Variants in MARCHF11 observed in about 807,000 individuals in gnomAD.
MARCHF11 encodes the protein membrane associated ring-CH-type finger 11.
MARCHF11 carries 29 observed loss-of-function variants against 37.3 expected under a neutral mutation model. The observed-to-expected ratio is 0.78, with a 90% CI of 0.58 to 1.06. MARCHF11 has a LOEUF of 1.06. MARCHF11 is among the 50% of genes least tolerant of loss of function. MARCHF11 has a pLI of 0.00. For missense variants in MARCHF11, 482 were observed against 533.4 expected (o/e 0.90, Z 0.95); for synonymous variants, 233 against 228.0 (o/e 1.02, Z -0.20).
Position 16,158,183 on chromosome 5 carries a change from G to A in MARCHF11, c.693+19543C>T, listed in dbSNP as rs10474719. ...TCAAAGAGACGAAAGATAAGTGTTG[G>A]CAAGGATGTGGAAAAAAGGGAGCAC... On this transcript the variant is annotated intron_variant, in intron 2 of 3. Coordinates refer to ENST00000332432, the MANE Select transcript of MARCHF11 (RefSeq NM_001102562.3). Among the ~76,000 whole-genome samples, 394 of 152,002 alleles carry A rather than the reference G, an allele frequency of 2.6e-3. 4 individuals are homozygous for A. Among genetic ancestry groups the A allele is most frequent in the African/African-American group, 9.0e-3 (375 of 41,502 alleles).
At chr5:16,151,684 T>TGTGTGTGC (rs1737893942) in intron 2 of MARCHF11, among the ~76,000 whole-genome samples, 1 of 150,692 alleles carries the variant, frequency 6.6e-6, no homozygotes, top group Non-Finnish European at 1.5e-5. Flanking sequence ...TGTGTGTGTG[T>TGTGTGTGC]GTGTGTGTCT....
At chr5:16,098,982 G>T (rs561161667) in intron 2 of MARCHF11, among the ~76,000 whole-genome samples, 9 of 152,014 alleles carry the variant, frequency 5.9e-5, no homozygotes, top group Middle Eastern at 3.4e-3. Context: ...TTAAAAGTTG[G>T]CATGTTCTTG....
chr5:16,170,680 C>T (rs1381402304), intron 2 of MARCHF11, among the ~76,000 whole-genome samples: 1 of 152,128 alleles, frequency 6.6e-6, no homozygotes, highest in Non-Finnish European at 1.5e-5. Flanking sequence ...TCACCGAATG[C>T]CCACAAAGTG....
chr5:16,108,609 T>G (rs1366184193), intron 2 of MARCHF11, among the ~76,000 whole-genome samples: 1 of 152,014 alleles, frequency 6.6e-6, no homozygotes, highest in Non-Finnish European at 1.5e-5. Context: ...GGACCAGATA[T>G]GTTTGCTTCC....
At chr5:16,172,549 G>A (rs1430357527) in intron 2 of MARCHF11, among the ~76,000 whole-genome samples, 1 of 152,170 alleles carries the variant, frequency 6.6e-6, no homozygotes, top group Non-Finnish European at 1.5e-5. Context: ...CTGGACATAT[G>A]CAGACATTTT....
intron 2 of MARCHF11, among the ~76,000 whole-genome samples, chr5:16,113,738 A>G (rs968239194): frequency 1.3e-5 from 2 of 152,184 alleles, no homozygotes; most frequent in African/African-American, 4.8e-5. Context: ...AGAAATCATG[A>G]TATTTAGGAT....
At chr5:16,166,462 T>TTATAG (rs1553998959) in intron 2 of MARCHF11, among the ~76,000 whole-genome samples, 4 of 151,562 alleles carry the variant, frequency 2.6e-5, no homozygotes, top group Non-Finnish European at 4.4e-5. Context: ...TGATACTTGA[T>TTATAG]TAGAGTACAT....
chr5:16,118,939 G>A (rs1737264994), intron 2 of MARCHF11, among the ~76,000 whole-genome samples: 1 of 152,118 alleles, frequency 6.6e-6, no homozygotes, highest in Non-Finnish European at 1.5e-5. Context: ...ACAGTGGCTG[G>A]GTCAAGGGAA....
intron 2 of MARCHF11, among the ~76,000 whole-genome samples, chr5:16,144,619 T>G (rs772913229): frequency 1.3e-5 from 2 of 152,198 alleles, no homozygotes; most frequent in African/African-American, 2.4e-5. Flanking sequence ...AGGAATGAAA[T>G]CTGTGTATAA....
At chr5:16,138,327 C>G (rs191926424) in intron 2 of MARCHF11, among the ~76,000 whole-genome samples, 1 of 152,318 alleles carries the variant, frequency 6.6e-6, no homozygotes, top group African/African-American at 2.4e-5. Context: ...TCAAATGGTG[C>G]AAGCCCCAAG....
intron 2 of MARCHF11, among the ~76,000 whole-genome samples, chr5:16,103,350 GGT>G (rs1485517223): frequency 2.6e-5 from 4 of 152,076 alleles, no homozygotes. Context: ...TGCACAGGAC[GGT>G]GTGTTTGGGA....
rs1241872710 is a variant in MARCHF11, at chr5:16,135,452, C to T, written c.693+42274G>A. 3.9e-5 allele frequency among the ~76,000 whole-genome samples: 6 copies of T among 152,088 alleles called. No individual in the cohort carries two copies. The East Asian group carries it at 1.2e-3, about 29-fold the overall frequency. ...AAAAAAACAAAATTGAATAATTAAACATGAGATTAATTCCCTCCACCCTAT... is the reference window on the plus strand; with the variant it reads ...AAAAAAACAAAATTGAATAATTAAATATGAGATTAATTCCCTCCACCCTAT... On this transcript the variant is annotated intron_variant, in intron 2 of 3. Coordinates refer to ENST00000332432, the MANE Select transcript of MARCHF11 (RefSeq NM_001102562.3).
intron 2 of MARCHF11, among the ~76,000 whole-genome samples, chr5:16,142,231 C>T (rs1049709570): frequency 6.6e-6 from 1 of 152,170 alleles, no homozygotes; most frequent in Non-Finnish European, 1.5e-5. Context: ...TAGAGGCAAG[C>T]CATTTCCAAG....
At chr5:16,117,494 A>G (rs1362265602) in intron 2 of MARCHF11, among the ~76,000 whole-genome samples, 1 of 152,206 alleles carries the variant, frequency 6.6e-6, no homozygotes, top group Non-Finnish European at 1.5e-5. Flanking sequence ...AACAGCACAC[A>G]TGTAGGTAAT....
chr5:16,087,599 T>C (rs1246999177), intron 3 of MARCHF11, among the ~76,000 whole-genome samples: 1 of 152,204 alleles, frequency 6.6e-6, no homozygotes, highest in African/African-American at 2.4e-5. Context: ...GTCAATAGAA[T>C]TGGATGCCAC....
intron 2 of MARCHF11, among the ~76,000 whole-genome samples, chr5:16,115,351 T>C (rs1029039461): frequency 6.6e-6 from 1 of 152,210 alleles, no homozygotes; most frequent in African/African-American, 2.4e-5. Flanking sequence ...GGCTTCCTTC[T>C]CAGCTGAGGA....
intron 3 of MARCHF11, among the ~76,000 whole-genome samples, chr5:16,077,260 C>G (rs1242920888): frequency 6.6e-6 from 1 of 151,932 alleles, no homozygotes; most frequent in East Asian, 1.9e-4. Context: ...AGAATTTTTT[C>G]TAAGAGACTT....
chr5:16,067,848 A>G (rs2126540913), intron 3 of MARCHF11, 55 bp from the exon 4 acceptor site: 1 of 1,484,934 alleles, frequency 6.7e-7, no homozygotes, highest in South Asian at 1.3e-5. Flanking sequence ...CAAGGCTGGG[A>G]GTGTTATTTT....
chr5:16,134,861 G>A (rs1298865762), intron 2 of MARCHF11, among the ~76,000 whole-genome samples: 1 of 152,008 alleles, frequency 6.6e-6, no homozygotes, highest in Non-Finnish European at 1.5e-5. Context: ...AAAAATTTAG[G>A]TATATAAAAC....
Sources: gnomAD v4.1 joint callset for allele counts (sites outside exome capture counted in the v4.1 genomes callset) on GRCh38, gnomAD v4.1.1 for gene constraint, MANE v1.5 for transcripts, NCBI Gene and HGNC (gene_info 2026-07-23, HGNC 2026-07-21) for gene names.